The following DPP8 variants were observed in gnomAD, a reference collection of about 807,000 sequenced individuals.
The protein encoded by DPP8 is DPP VIII.
A neutral mutation model predicts 107.5 loss-of-function variants in DPP8; 31 were observed. That is an observed-to-expected ratio of 0.29 (90% CI 0.22 to 0.39). The LOEUF (loss-of-function observed/expected upper bound fraction) is 0.39, where lower values mean the gene tolerates loss of function less well. Ranked by LOEUF, DPP8 falls within the 10% of genes least tolerant of loss-of-function variation. DPP8 has a pLI of 1.00. For synonymous variants in DPP8, 381 were observed against 356.6 expected (o/e 1.07, Z -0.77); for missense variants, 842 against 1,076.1 (o/e 0.78, Z 3.04).
chr15:65,472,574 C>T (rs2065985555), intron 12 of DPP8, among the ~76,000 whole-genome samples: 1 of 152,112 alleles, frequency 6.6e-6, no homozygotes, highest in African/African-American at 2.4e-5. Context: ...GGCTGGATTA[C>T]AGATGTGAGC....
intron 4 of DPP8, among the ~76,000 whole-genome samples, chr15:65,499,055 C>T (rs1341584885): frequency 7.2e-6 from 1 of 138,468 alleles, no homozygotes; most frequent in Non-Finnish European, 1.5e-5. Flanking sequence ...GACTTTGTCT[C>T]CCCCCCAAAA....
intron 18 of DPP8, among the ~76,000 whole-genome samples, chr15:65,451,535 T>A (rs1414003916): frequency 6.6e-6 from 1 of 152,236 alleles, no homozygotes; most frequent in Admixed American, 6.5e-5. Flanking sequence ...GCTATTCTAG[T>A]ATAACATTTG....
intron 12 of DPP8, among the ~76,000 whole-genome samples, chr15:65,472,467 TA>T (rs2065974633): frequency 6.6e-6 from 1 of 151,996 alleles, no homozygotes; most frequent in African/African-American, 2.4e-5. Flanking sequence ...CTAATTTTTT[TA>T]TTTTTTATTT....
Position 65,451,118 on chromosome 15 carries a change from A to C in DPP8, c.2415-8T>G. Reference sequence around the variant, plus strand: ...AGCAGTAAACGATTTGGTCTGGAGAAATGGAAATATTAGAGGATTAGGCAA... The same window carrying C: ...AGCAGTAAACGATTTGGTCTGGAGACATGGAAATATTAGAGGATTAGGCAA... On this transcript the variant is annotated splice_region_variant and splice_polypyrimidine_tract_variant and intron_variant, in intron 18 of 19. Transcript: ENST00000300141. 1 of 1,571,080 alleles carries C rather than the reference A, an allele frequency of 6.4e-7. No individual in the cohort carries two copies. Among genetic ancestry groups the C allele is most frequent in the South Asian group, 1.1e-5 (1 of 89,684 alleles).
intron 1 of DPP8, chr15:65,517,265 T>A (rs2071568447): frequency 6.6e-6 from 1 of 152,312 alleles, no homozygotes; most frequent in South Asian, 2.1e-4. Flanking sequence ...GGTGGTTGAC[T>A]CGGAATCTCA....
chr15:65,500,338 AACCC>A lies in DPP8; in HGVS notation c.546+264_546+267del, dbSNP rs1396492637. The stretch of plus-strand genomic sequence containing the variant: ...GAGGCTGAGGCAGGAGAATCACTTG[AACCC>A]AGGAGGCAGAGGTTGCGGTGAGCCA... On this transcript the variant is annotated intron_variant, in intron 4 of 19. Coordinates refer to ENST00000300141, the MANE Select transcript of DPP8 (RefSeq NM_130434.5). 1.3e-5 allele frequency among the ~76,000 whole-genome samples: 2 copies of A among 151,934 alleles called. 1 individual carries two copies. Among genetic ancestry groups the A allele is most frequent in the Non-Finnish European group, 2.9e-5 (2 of 67,982 alleles).
intron 11 of DPP8, among the ~76,000 whole-genome samples, chr15:65,478,252 A>G (rs1447871989): frequency 6.6e-6 from 1 of 152,198 alleles, no homozygotes; most frequent in Non-Finnish European, 1.5e-5. Flanking sequence ...ACATTTAAAA[A>G]AAATAGTGTT....
At chr15:65,466,569 T>TG in intron 14 of DPP8, 109 bp downstream of exon 14, 1 of 962,368 alleles carries the variant, frequency 1.0e-6, no homozygotes, top group South Asian at 1.5e-5. Context: ...GGACAGGCAG[T>TG]GGTGAGAGAT....
At chr15:65,469,268 C>T (rs1040833077) in intron 12 of DPP8, among the ~76,000 whole-genome samples, 25 of 151,950 alleles carry the variant, frequency 1.6e-4, no homozygotes, top group African/African-American at 6.0e-4. Context: ...AGCCACTGCG[C>T]CCAGCCAAGA....
intron 3 of DPP8, among the ~76,000 whole-genome samples, chr15:65,505,809 G>C (rs1397091247): frequency 6.6e-6 from 1 of 152,036 alleles, no homozygotes; most frequent in Non-Finnish European, 1.5e-5. Flanking sequence ...AATTAGCCAG[G>C]CATGGTGGTG....
intron 11 of DPP8, among the ~76,000 whole-genome samples, chr15:65,477,344 G>A (rs796690661): frequency 4.6e-5 from 7 of 151,990 alleles, no homozygotes; most frequent in South Asian, 2.1e-4. Flanking sequence ...GCAGTGAGCC[G>A]AGATAGCACC....
chr15:65,477,855 A>G lies in DPP8; in HGVS notation c.1456+1025T>C, dbSNP rs1046475680. On this transcript the variant is annotated intron_variant, in intron 11 of 19. Coordinates refer to ENST00000300141, the MANE Select transcript of DPP8 (RefSeq NM_130434.5). ...CCTTTTTCCACAATTATTAAAAAGG[A>G]CCATGCCAAATCTGTTAAGTTACAA... is the stretch of plus-strand genomic sequence containing the variant. Among the ~76,000 whole-genome samples the G allele has an allele frequency of 2.6e-5, 4 of 152,248 alleles. No homozygotes were observed. The South Asian group carries it at 8.3e-4, about 32-fold the overall frequency.
chr15:65,501,379 C>T (rs1030993208), intron 3 of DPP8, among the ~76,000 whole-genome samples: 1 of 152,156 alleles, frequency 6.6e-6, no homozygotes, highest in Admixed American at 6.5e-5. Context: ...AGACTTTCTA[C>T]AACTTAACTA....
Position 65,460,818 on chromosome 15 carries a change from T to C in DPP8, c.1971+2943A>G, listed in dbSNP as rs115677214. ...GTATAAGTATCTGTTCCTGTCCATA[T>C]TTTCAATTCTTCTGGGTATATACCA... On this transcript the variant is annotated intron_variant, in intron 15 of 19. Transcript: ENST00000300141. Among the ~76,000 whole-genome samples the C allele has an allele frequency of 2.5e-3, 387 of 152,340 alleles. 1 individual carries two copies. Among genetic ancestry groups the C allele is most frequent in the African/African-American group, 9.0e-3 (374 of 41,582 alleles).
Position 65,456,572 on chromosome 15 carries a change from C to T in DPP8, c.1972-201G>A, listed in dbSNP as rs541975539. On this transcript the variant is annotated intron_variant, in intron 15 of 19. Transcript: ENST00000300141. ...TTCACACTCAAGTTCAGGGCAATTA[C>T]TGAACAACCATAGGCTTTAAAATTC... 1.2e-4 allele frequency among the ~76,000 whole-genome samples: 18 copies of T among 152,300 alleles called. No individual in the cohort carries two copies. In the South Asian group the frequency reaches 3.7e-3, roughly 32 times the overall value.
intron 3 of DPP8, among the ~76,000 whole-genome samples, chr15:65,504,668 A>AAC (rs1337154615): frequency 5.2e-4 from 1 of 1,918 alleles, no homozygotes; most frequent in Non-Finnish European, 1.9e-3. Flanking sequence ...ATTCCGTCTC[A>AAC]AAAAAAAAAA....
chr15:65,500,467 C>A, intron 4 of DPP8, 139 bp downstream of exon 4: 1 of 656,060 alleles, frequency 1.5e-6, no homozygotes. Flanking sequence ...CTCCATGTTT[C>A]TTGTTTTCAT....
Position 65,481,516 on chromosome 15 carries a change from A to G in DPP8, c.1117T>C (p.Tyr373His). The stretch of plus-strand genomic sequence containing the variant: ...GAAGTAACAATTTAACATACGCACT[A>G]TTTTCCCTCAGGAGTCCATCCAGCT... ...ARAGWTPEGKYAWSILLDRSQ... is the reference protein window; with the variant it reads ...ARAGWTPEGKHAWSILLDRSQ... The change falls in exon 9 of 20, where the codon TAT (tyrosine) becomes CAT (histidine). Residue 373 changes from tyrosine (Y) to histidine (H), a missense_variant and splice_region_variant. Physicochemically the swap from Tyr to His is moderately conservative, Grantham distance 83. Around this residue, in one of 2 missense-constraint regions of DPP8, gnomAD observed 663 missense variants for 758.0 expected, o/e 0.87. Transcript: ENST00000300141. 2 of 1,556,344 alleles carry G rather than the reference A, an allele frequency of 1.3e-6. No individual in the cohort carries two copies. The highest frequency in any genetic ancestry group is 1.7e-6 in the Non-Finnish European group (2 of 1,145,358).
chr15:65,506,381 T>C (rs1417753521), intron 3 of DPP8, among the ~76,000 whole-genome samples: 1 of 151,932 alleles, frequency 6.6e-6, no homozygotes, highest in Non-Finnish European at 1.5e-5. Context: ...AAAATAATAA[T>C]GAGAACCAAA....
Sources: gnomAD v4.1 joint callset for allele counts (sites outside exome capture counted in the v4.1 genomes callset) on GRCh38, gnomAD v4.1.1 for gene constraint, gnomAD v4.1.1 regional missense constraint, MANE v1.5 for transcripts, NCBI Gene and HGNC (gene_info 2026-07-23, HGNC 2026-07-21) for gene names.